Variants in MBLAC1 observed in about 807,000 individuals in gnomAD.
MBLAC1 encodes metallo-beta-lactamase domain-containing protein 1.
A neutral mutation model predicts 1.5 loss-of-function variants in MBLAC1; 1 was observed. The ratio of observed to expected loss-of-function variants is 0.68; its 90% CI spans 0.24 to 3.21. The LOEUF is 3.21. MBLAC1 is among the 30% of genes most tolerant of loss of function. The pLI is 0.20. For synonymous variants in MBLAC1, 197 were observed against 191.3 expected (o/e 1.03, Z -0.25); for missense variants, 371 against 384.7 (o/e 0.96, Z 0.30).
chr7:100,127,708 G>C lies in MBLAC1; in HGVS notation c.313G>C (p.Gly105Arg). The C allele has an allele frequency of 6.9e-7, 1 of 1,450,148 alleles. No homozygotes were observed. The highest frequency in any genetic ancestry group is 1.5e-5 in the South Asian group (1 of 67,636). 89.8% of individuals were successfully genotyped at this position (1,450,148 alleles called of 1,614,324 possible). The stretch of plus-strand genomic sequence containing the variant: ...GCTGGCGGGGCAGGGCGTGGCCCCG[G>C]GAGACGTGACGCTAGTGGTGGGGAC... ...GALAGQGVAP[G>R]DVTLVVGTHG... Residue 105 changes from glycine (G) to arginine (R), a missense_variant, in exon 2 of 2, where the codon GGA (glycine) becomes CGA (arginine). By Grantham distance (125) the Gly-to-Arg change is moderately radical. Transcript: ENST00000398075. This position sits in a 1 kb window ranked among gnomAD's most constrained non-coding sequence, Gnocchi z 4.6.
At position 100,127,847 on chromosome 7, in the gene MBLAC1, A is replaced by AG. The variant is rs1798268069; in HGVS notation, c.456dup (p.Gln153AlafsTer43). The AG allele has an allele frequency of 6.4e-6, 10 of 1,561,802 alleles. No homozygotes were observed. The highest frequency in any genetic ancestry group is 8.7e-6 in the Non-Finnish European group (10 of 1,152,258). On this transcript the variant is annotated frameshift_variant, in exon 2 of 2. Coordinates refer to ENST00000398075, the MANE Select transcript of MBLAC1 (RefSeq NM_203397.3). LOFTEE classifies it low-confidence loss of function (END_TRUNC). This position sits in a 1 kb window ranked among gnomAD's most constrained non-coding sequence, Gnocchi z 4.6. ...CGCTACCTGCCCCACGGGCTGGGTG[A>AG]GGGGCAGCCCCTGCGCCTGGGCCCG... is the stretch of plus-strand genomic sequence containing the variant.
At position 100,127,475 on chromosome 7, in the gene MBLAC1, G is replaced by T; in HGVS notation, c.80G>T (p.Gly27Val). The change falls in exon 2 of 2, where the codon GGC becomes GTC. Residue 27 changes from glycine (G) to valine (V), a missense_variant. Physicochemically the swap from Gly to Val is moderately radical, Grantham distance 109. Coordinates refer to ENST00000398075, the MANE Select transcript of MBLAC1 (RefSeq NM_203397.3). This position sits in a 1 kb window ranked among gnomAD's most constrained non-coding sequence, Gnocchi z 4.6. ...DPYSVVVLLQGYAEPEGVGDA... is the reference protein window; with the variant it reads ...DPYSVVVLLQVYAEPEGVGDA... ...TACTCTGTGGTGGTTCTGCTGCAGG[G>T]CTACGCGGAGCCAGAGGGTGTGGGC... The T allele has an allele frequency of 6.3e-7, 1 of 1,592,180 alleles. No homozygotes were observed. The highest frequency in any genetic ancestry group is 8.5e-7 in the Non-Finnish European group (1 of 1,177,008).
chr7:100,127,694 A>G lies in MBLAC1; in HGVS notation c.299A>G (p.Gln100Arg). The G allele has an allele frequency of 7.0e-7, 1 of 1,433,012 alleles. No individual in the cohort carries two copies. Among genetic ancestry groups the G allele is most frequent in the Non-Finnish European group, 9.1e-7 (1 of 1,095,474 alleles). 88.8% of individuals were successfully genotyped at this position (1,433,012 alleles called of 1,614,324 possible). A position where few individuals can be genotyped will look rare whatever the true frequency, so the allele number is the denominator to read the frequency against. Residue 100 changes from glutamine to arginine, a missense_variant, in exon 2 of 2, where the codon CAG becomes CGG. Gln to Arg is a conservative substitution (Grantham distance 43, BLOSUM62 1). Coordinates refer to ENST00000398075, the MANE Select transcript of MBLAC1 (RefSeq NM_203397.3). This position sits in a 1 kb window ranked among gnomAD's most constrained non-coding sequence, Gnocchi z 4.6. Reference sequence around the variant, plus strand: ...GCGCTGCTGGGGGCGCTGGCGGGGCAGGGCGTGGCCCCGGGAGACGTGACG... The same window carrying G: ...GCGCTGCTGGGGGCGCTGGCGGGGCGGGGCGTGGCCCCGGGAGACGTGACG... ...REALLGALAG[Q>R]GVAPGDVTLV...
In MBLAC1 at chr7:100,128,232, G is replaced by A; in HGVS notation, c.*36G>A. The A allele has an allele frequency of 6.6e-7, 1 of 1,517,570 alleles. No individual in the cohort carries two copies. Among genetic ancestry groups the A allele is most frequent in the Non-Finnish European group, 8.9e-7 (1 of 1,123,478 alleles). 94.0% of individuals were successfully genotyped at this position (1,517,570 alleles called of 1,614,324 possible). On this transcript the variant is annotated 3_prime_UTR_variant, in exon 2 of 2. Coordinates refer to ENST00000398075, the MANE Select transcript of MBLAC1 (RefSeq NM_203397.3). Reference sequence around the variant, plus strand: ...GAGGGACTGCACTCTTGTCAGGGAAGCCCTAACAGCGAAGAGCTGCTGGAG... The same window carrying A: ...GAGGGACTGCACTCTTGTCAGGGAAACCCTAACAGCGAAGAGCTGCTGGAG...
rs565201390 is a variant in MBLAC1 at position 100,127,911 on chromosome 7, G to A, written c.516G>A (p.Gln172=). 1.3e-6 allele frequency: 2 copies of A among 1,577,320 alleles called. No homozygotes were observed. Among genetic ancestry groups the A allele is most frequent in the African/African-American group, 1.3e-5 (1 of 74,204 alleles). Residue 172 remains glutamine (Q), a synonymous_variant, in exon 2 of 2, where the codon CAG becomes CAA. Transcript: ENST00000398075. The surrounding 1 kb of genome is among the most constrained non-coding windows in gnomAD (Gnocchi z 4.6). ...EVWATPGHGG[Q]RDVSVVVAGT... ...GGGCCACGCCGGGCCACGGGGGCCA[G>A]CGCGACGTGAGCGTGGTGGTGGCCG...
At position 100,127,004 on chromosome 7, in the gene MBLAC1, C is replaced by T; in HGVS notation, c.-89C>T. The T allele has an allele frequency of 5.5e-6, 1 of 183,302 alleles. No individual in the cohort carries two copies. The highest frequency in any genetic ancestry group is 1.1e-5 in the Non-Finnish European group (1 of 87,652). The allele number at this position is 183,302 out of a possible 1,614,324, so 11.4% of individuals were successfully genotyped here. A position where few individuals can be genotyped will look rare whatever the true frequency, so the allele number is the denominator to read the frequency against. The stretch of plus-strand genomic sequence containing the variant: ...ACGGGAACCGCAGAGGACAAACTCT[C>T]ACCCGCGTTTTCGATTTCTGCGCTT... On this transcript the variant is annotated 5_prime_UTR_variant, in exon 1 of 2. Transcript: ENST00000398075. The surrounding 1 kb of genome is among the most constrained non-coding windows in gnomAD (Gnocchi z 4.6).
rs1798282551 is a variant in MBLAC1, at chr7:100,128,237, A to C, written c.*41A>C. 6.6e-7 allele frequency: 1 copy of C among 1,506,386 alleles called. No individual in the cohort carries two copies. The highest frequency in any genetic ancestry group is 9.0e-7 in the Non-Finnish European group (1 of 1,115,462). 93.3% of individuals were successfully genotyped at this position (1,506,386 alleles called of 1,614,324 possible). ...ACTGCACTCTTGTCAGGGAAGCCCT[A>C]ACAGCGAAGAGCTGCTGGAGACAGA... is the stretch of plus-strand genomic sequence containing the variant. On this transcript the variant is annotated 3_prime_UTR_variant, in exon 2 of 2. Transcript: ENST00000398075.
rs1030416595 is a variant in MBLAC1, at chr7:100,127,145, G to C, written c.-29+81G>C. 1.9e-6 allele frequency: 1 copy of C among 521,266 alleles called. No individual in the cohort carries two copies. The highest frequency in any genetic ancestry group is 3.4e-6 in the Non-Finnish European group (1 of 294,474). 32.3% of individuals were successfully genotyped at this position (521,266 alleles called of 1,614,324 possible). On this transcript the variant is annotated intron_variant, in intron 1 of 1. Transcript: ENST00000398075. This position sits in a 1 kb window ranked among gnomAD's most constrained non-coding sequence, Gnocchi z 4.6. The stretch of plus-strand genomic sequence containing the variant: ...TGACGGGCAAGGACGTACGTACCGC[G>C]AACGGAATGGGGCGGGGGCCGAGGA...
Position 100,127,842 on chromosome 7 carries a change from G to C in MBLAC1, c.447G>C (p.Leu149=). The C allele has an allele frequency of 6.4e-7, 1 of 1,564,220 alleles. No individual in the cohort carries two copies. The highest frequency in any genetic ancestry group is 8.7e-7 in the Non-Finnish European group (1 of 1,153,584). ...GAGGCCGCTACCTGCCCCACGGGCTGGGTGAGGGGCAGCCCCTGCGCCTGG... is the reference window on the plus strand; with the variant it reads ...GAGGCCGCTACCTGCCCCACGGGCTCGGTGAGGGGCAGCCCCTGCGCCTGG... ...LPGGRYLPHG[L]GEGQPLRLGP... The change falls in exon 2 of 2, where the codon CTG becomes CTC. Residue 149 remains leucine (L), a synonymous_variant. Coordinates refer to ENST00000398075, the MANE Select transcript of MBLAC1 (RefSeq NM_203397.3). This position sits in a 1 kb window ranked among gnomAD's most constrained non-coding sequence, Gnocchi z 4.6.
In MBLAC1 at chr7:100,127,660, G is replaced by C. The variant is rs768211901; in HGVS notation, c.265G>C (p.Ala89Pro). 2.1e-6 allele frequency: 3 copies of C among 1,412,480 alleles called. No individual in the cohort carries two copies. The highest frequency in any genetic ancestry group is 6.6e-5 in the Admixed American group (2 of 30,196). 87.5% of individuals were successfully genotyped at this position (1,412,480 alleles called of 1,614,324 possible). A position where few individuals can be genotyped will look rare whatever the true frequency, so the allele number is the denominator to read the frequency against. Residue 89 changes from alanine (A) to proline (P), a missense_variant, in exon 2 of 2, where the codon GCT (alanine) becomes CCT (proline). Ala to Pro is a conservative substitution (Grantham distance 27). Transcript: ENST00000398075. The surrounding 1 kb of genome is among the most constrained non-coding windows in gnomAD (Gnocchi z 4.6). ...CCTGGTGGACACCGGGGGCCCCTGG[G>C]CTCGGGAGGCGCTGCTGGGGGCGCT... is the stretch of plus-strand genomic sequence containing the variant. Reference protein sequence around the residue: ...PILVDTGGPWAREALLGALAG... With the variant: ...PILVDTGGPWPREALLGALAG...
rs181014638 is a variant in MBLAC1 at position 100,127,289 on chromosome 7, C to G, written c.-28-79C>G. The G allele has an allele frequency of 9.5e-4, 1,027 of 1,084,602 alleles. 6 individuals are homozygous for G. In the African/African-American group the frequency reaches 0.013, roughly 14 times the overall value. 67.2% of individuals were successfully genotyped at this position (1,084,602 alleles called of 1,614,324 possible). A position where few individuals can be genotyped will look rare whatever the true frequency, so the allele number is the denominator to read the frequency against. On this transcript the variant is annotated intron_variant, in intron 1 of 1. Coordinates refer to ENST00000398075, the MANE Select transcript of MBLAC1 (RefSeq NM_203397.3). The surrounding 1 kb of genome is among the most constrained non-coding windows in gnomAD (Gnocchi z 4.6). ...GTGGCAGAGAACCGAGGCTTAGGGGCAGTGGCGGGGCCGAGCGCGGGTGGG... is the reference window on the plus strand; with the variant it reads ...GTGGCAGAGAACCGAGGCTTAGGGGGAGTGGCGGGGCCGAGCGCGGGTGGG...
In MBLAC1 at chr7:100,128,147, A is replaced by C. The variant is rs1798279580; in HGVS notation, c.752A>C (p.Asn251Thr). ...CAGCCCGAGACGGAGGGTGGAGGGAACAGCCAGCAGGAGCCGGTGGTCGGA... is the reference window on the plus strand; with the variant it reads ...CAGCCCGAGACGGAGGGTGGAGGGACCAGCCAGCAGGAGCCGGTGGTCGGA... ...ASQPETEGGGNSQQEPVVGDE... is the reference protein window; with the variant it reads ...ASQPETEGGGTSQQEPVVGDE... Residue 251 changes from asparagine (N) to threonine (T), a missense_variant, in exon 2 of 2, where the codon AAC becomes ACC. Asn to Thr is a moderately conservative substitution (Grantham distance 65). Transcript: ENST00000398075. 4 of 1,605,262 alleles carry C rather than the reference A, an allele frequency of 2.5e-6. No individual in the cohort carries two copies. In the South Asian group the frequency reaches 4.5e-5, roughly 18 times the overall value.
In MBLAC1 at chr7:100,127,769, T is replaced by C; in HGVS notation, c.374T>C (p.Leu125Pro). ...GHSDHIGNLG[L>P]FPGAALLVSH... ...TCGGATCACATCGGGAACTTGGGGC[T>C]GTTCCCAGGCGCGGCTCTGCTGGTC... is the stretch of plus-strand genomic sequence containing the variant. The change falls in exon 2 of 2, where the codon CTG becomes CCG. Residue 125 changes from leucine to proline, a missense_variant. Transcript: ENST00000398075. This position sits in a 1 kb window ranked among gnomAD's most constrained non-coding sequence, Gnocchi z 4.6. 1 of 1,556,098 alleles carries C rather than the reference T, an allele frequency of 6.4e-7. No individual in the cohort carries two copies. Among genetic ancestry groups the C allele is most frequent in the African/African-American group, 1.4e-5 (1 of 72,836 alleles).
In MBLAC1 at chr7:100,127,237, G is replaced by T; in HGVS notation, c.-28-131G>T. On this transcript the variant is annotated intron_variant, in intron 1 of 1. Transcript: ENST00000398075. The surrounding 1 kb of genome is among the most constrained non-coding windows in gnomAD (Gnocchi z 4.6). Reference sequence around the variant, plus strand: ...CGATACCATTTTGGGCAGGGGTTGAGGGTGATACCAACTTAATGGGAGGCG... The same window carrying T: ...CGATACCATTTTGGGCAGGGGTTGATGGTGATACCAACTTAATGGGAGGCG... 1.4e-6 allele frequency: 1 copy of T among 694,462 alleles called. No homozygotes were observed. Among genetic ancestry groups the T allele is most frequent in the South Asian group, 1.9e-5 (1 of 53,986 alleles). The allele number at this position is 694,462 out of a possible 1,614,324, so 43.0% of individuals were successfully genotyped here.
Position 100,127,454 on chromosome 7 carries a change from C to G in MBLAC1, c.59C>G (p.Ser20Cys). The G allele has an allele frequency of 6.3e-7, 1 of 1,594,434 alleles. No individual in the cohort carries two copies. The highest frequency in any genetic ancestry group is 8.5e-7 in the Non-Finnish European group (1 of 1,177,900). ...SPLLVPGDPY[S>C]VVVLLQGYAE... ...CTGCTGGTGCCCGGCGACCCCTACT[C>G]TGTGGTGGTTCTGCTGCAGGGCTAC... is the stretch of plus-strand genomic sequence containing the variant. The change falls in exon 2 of 2, where the codon TCT becomes TGT. Residue 20 changes from serine to cysteine, a missense_variant. By Grantham distance (112) the Ser-to-Cys change is moderately radical (BLOSUM62 -1). Coordinates refer to ENST00000398075, the MANE Select transcript of MBLAC1 (RefSeq NM_203397.3). The surrounding 1 kb of genome is among the most constrained non-coding windows in gnomAD (Gnocchi z 4.6).
Position 100,127,447 on chromosome 7 carries a change from C to T in MBLAC1, c.52C>T (p.Pro18Ser). The T allele has an allele frequency of 1.3e-6, 2 of 1,594,372 alleles. No individual in the cohort carries two copies. Among genetic ancestry groups the T allele is most frequent in the Non-Finnish European group, 8.5e-7 (1 of 1,177,880 alleles). The change falls in exon 2 of 2, where the codon CCC (proline) becomes TCC (serine). Residue 18 changes from proline (P) to serine (S), a missense_variant. Pro to Ser is a moderately conservative substitution (Grantham distance 74). Transcript: ENST00000398075. This position sits in a 1 kb window ranked among gnomAD's most constrained non-coding sequence, Gnocchi z 4.6. ...ATCCCCTCTGCTGGTGCCCGGCGAC[C>T]CCTACTCTGTGGTGGTTCTGCTGCA... ...GASPLLVPGDPYSVVVLLQGY... is the reference protein window; with the variant it reads ...GASPLLVPGDSYSVVVLLQGY...
chr7:100,127,451 A>G lies in MBLAC1; in HGVS notation c.56A>G (p.Tyr19Cys). Residue 19 changes from tyrosine to cysteine, a missense_variant, in exon 2 of 2, where the codon TAC becomes TGC. Physicochemically the swap from Tyr to Cys is radical, Grantham distance 194 (BLOSUM62 -2). Coordinates refer to ENST00000398075, the MANE Select transcript of MBLAC1 (RefSeq NM_203397.3). This position sits in a 1 kb window ranked among gnomAD's most constrained non-coding sequence, Gnocchi z 4.6. Reference sequence around the variant, plus strand: ...CCTCTGCTGGTGCCCGGCGACCCCTACTCTGTGGTGGTTCTGCTGCAGGGC... The same window carrying G: ...CCTCTGCTGGTGCCCGGCGACCCCTGCTCTGTGGTGGTTCTGCTGCAGGGC... ...ASPLLVPGDP[Y>C]SVVVLLQGYA... is the part of the protein sequence containing the mutation. 7 of 1,593,106 alleles carry G rather than the reference A, an allele frequency of 4.4e-6. No homozygotes were observed. The highest frequency in any genetic ancestry group is 5.9e-6 in the Non-Finnish European group (7 of 1,177,448).
rs894437876 is a variant in MBLAC1, at chr7:100,127,288, G to T, written c.-28-80G>T. 1.6e-4 allele frequency: 176 copies of T among 1,075,276 alleles called. No individual in the cohort carries two copies. Among genetic ancestry groups the T allele is most frequent in the Non-Finnish European group, 2.2e-4 (167 of 766,502 alleles). 66.6% of individuals were successfully genotyped at this position (1,075,276 alleles called of 1,614,324 possible). A position where few individuals can be genotyped will look rare whatever the true frequency, so the allele number is the denominator to read the frequency against. On this transcript the variant is annotated intron_variant, in intron 1 of 1. Coordinates refer to ENST00000398075, the MANE Select transcript of MBLAC1 (RefSeq NM_203397.3). The surrounding 1 kb of genome is among the most constrained non-coding windows in gnomAD (Gnocchi z 4.6). ...GGTGGCAGAGAACCGAGGCTTAGGGGCAGTGGCGGGGCCGAGCGCGGGTGG... is the reference window on the plus strand; with the variant it reads ...GGTGGCAGAGAACCGAGGCTTAGGGTCAGTGGCGGGGCCGAGCGCGGGTGG...
chr7:100,127,340 C>A lies in MBLAC1; in HGVS notation c.-28-28C>A. 6.8e-7 allele frequency: 1 copy of A among 1,472,604 alleles called. No homozygotes were observed. The highest frequency in any genetic ancestry group is 9.0e-7 in the Non-Finnish European group (1 of 1,105,434). The allele number at this position is 1,472,604 out of a possible 1,614,324, so 91.2% of individuals were successfully genotyped here. On this transcript the variant is annotated intron_variant, in intron 1 of 1. Coordinates refer to ENST00000398075, the MANE Select transcript of MBLAC1 (RefSeq NM_203397.3). The surrounding 1 kb of genome is among the most constrained non-coding windows in gnomAD (Gnocchi z 4.6). Reference sequence around the variant, plus strand: ...GGATCGCGGAGGGACAGGACGGTCGCCCACTGCTCCATTTCCTTTCTCCCC... The same window carrying A: ...GGATCGCGGAGGGACAGGACGGTCGACCACTGCTCCATTTCCTTTCTCCCC...
Sources: gnomAD v4.1 joint callset for allele counts on GRCh38, gnomAD v4.1.1 for gene constraint, Gnocchi (gnomAD v3.1) non-coding constraint, MANE v1.5 for transcripts, NCBI Gene and HGNC (gene_info 2026-07-23, HGNC 2026-07-21) for gene names.